The following GABRA3 variants were observed in gnomAD, a reference collection of about 807,000 sequenced individuals.
GABRA3 encodes gamma-aminobutyric acid type A receptor subunit alpha3, also known as gamma-aminobutyric acid receptor subunit alpha-3.
In GABRA3, 10 loss-of-function variants were observed where a neutral mutation model predicts 30.1. The ratio of observed to expected loss-of-function variants is 0.33; its 90% CI spans 0.20 to 0.56. GABRA3 has a LOEUF of 0.56. Ranked by LOEUF, GABRA3 falls within the 20% of genes least tolerant of loss-of-function variation. The pLI is 0.89. For missense variants in GABRA3, 233 were observed against 392.0 expected, an observed-to-expected ratio of 0.59 and a Z score of 3.42; for synonymous variants, 151 against 146.8, an observed-to-expected ratio of 1.03 and a Z score of -0.21.
intron 3 of GABRA3, among the ~76,000 whole-genome samples, chrX:152,286,083 A>T (rs868126613): frequency 1.9e-5 from 2 of 103,389 alleles, no homozygotes; most frequent in Non-Finnish European, 3.9e-5. Context: ...TTAGTTATAA[A>T]TATACTTATA....
At chrX:152,371,119 A>T (rs1928826611) in intron 1 of GABRA3, among the ~76,000 whole-genome samples, 1 of 110,838 alleles carries the variant, frequency 9.0e-6, no homozygotes, top group South Asian at 3.8e-4. Flanking sequence ...TATCTGGAAA[A>T]ATCTGCATAA....
At chrX:152,350,182 T>C (rs903948314) in intron 2 of GABRA3, among the ~76,000 whole-genome samples, 11 of 105,404 alleles carry the variant, frequency 1.0e-4, no homozygotes, top group Non-Finnish European at 1.5e-4. Context: ...ACATGGAAAC[T>C]GAACAACCTG....
chrX:152,260,101 C>T (rs976888236), intron 4 of GABRA3, among the ~76,000 whole-genome samples: 4 of 110,182 alleles, frequency 3.6e-5, no homozygotes, highest in Admixed American at 1.9e-4. Context: ...AGTAGTCTGG[C>T]GGTACTCTTG....
intron 5 of GABRA3, among the ~76,000 whole-genome samples, chrX:152,240,310 T>C (rs1202704023): frequency 1.0e-5 from 1 of 99,915 alleles, no homozygotes; most frequent in African/African-American, 4.2e-5. Flanking sequence ...TTTAAGAACG[T>C]TGAATATTGG....
intron 2 of GABRA3, among the ~76,000 whole-genome samples, chrX:152,357,901 C>CT (rs1202855092): frequency 9.0e-6 from 1 of 110,650 alleles, no homozygotes; most frequent in Non-Finnish European, 1.9e-5. Flanking sequence ...ATTCGGTTCC[C>CT]TTGGTCTAGG....
At chrX:152,311,045 G>A (rs1404497455) in intron 3 of GABRA3, among the ~76,000 whole-genome samples, 1 of 111,090 alleles carries the variant, frequency 9.0e-6, no homozygotes, top group African/African-American at 3.3e-5. Context: ...TCAATAATGA[G>A]TTCCAAAATT....
intron 1 of GABRA3, among the ~76,000 whole-genome samples, chrX:152,368,137 T>C (rs1336170383): frequency 1.8e-5 from 2 of 111,724 alleles, no homozygotes; most frequent in Non-Finnish European, 3.8e-5. Context: ...AATCCTCCCA[T>C]TTCTTCCCAT....
chrX:152,196,973 A>T (rs771525485), intron 8 of GABRA3, among the ~76,000 whole-genome samples: 2 of 112,440 alleles, frequency 1.8e-5, no homozygotes, highest in South Asian at 7.4e-4. Flanking sequence ...CAAAGGTATC[A>T]TTGCCATGGA....
intron 4 of GABRA3, among the ~76,000 whole-genome samples, chrX:152,278,979 T>C (rs1291080867): frequency 8.9e-6 from 1 of 111,975 alleles, no homozygotes; most frequent in Non-Finnish European, 1.9e-5. Context: ...CTTGTAAATT[T>C]GTTTGAGTTC....
chrX:152,169,671 A>T (rs1050539541), intron 9 of GABRA3, among the ~76,000 whole-genome samples: 36 of 111,920 alleles, frequency 3.2e-4, no homozygotes, highest in African/African-American at 1.0e-3. Flanking sequence ...TTGTTGCCTC[A>T]TTCCTCACTC....
intron 4 of GABRA3, among the ~76,000 whole-genome samples, chrX:152,264,320 C>A (rs1376412849): frequency 9.0e-6 from 1 of 111,304 alleles, no homozygotes; most frequent in Admixed American, 9.5e-5. Flanking sequence ...ATAGAAACAA[C>A]AAAAAGTTAA....
intron 1 of GABRA3, among the ~76,000 whole-genome samples, chrX:152,421,105 AC>A (rs201271664): frequency 0.023 from 2,418 of 104,735 alleles, 33 homozygotes; most frequent in South Asian, 0.063. Context: ...TTATACACAC[AC>A]ACACACACAC....
chrX:152,259,458 G>C (rs760225494), intron 4 of GABRA3, among the ~76,000 whole-genome samples: 1 of 111,573 alleles, frequency 9.0e-6, no homozygotes, highest in South Asian at 3.8e-4. Context: ...ACAGCTCGCA[G>C]CTCCAAAAGA....
intron 5 of GABRA3, among the ~76,000 whole-genome samples, chrX:152,241,346 G>A (rs1214202695): frequency 2.1e-5 from 2 of 93,880 alleles, no homozygotes; most frequent in African/African-American, 6.7e-5. Flanking sequence ...CCCACTTGAG[G>A]AGGCAGTCTG....
At chrX:152,429,285 C>G (rs1275615553) in intron 1 of GABRA3, among the ~76,000 whole-genome samples, 1 of 106,831 alleles carries the variant, frequency 9.4e-6, no homozygotes, top group Non-Finnish European at 1.9e-5. Flanking sequence ...CTCTCTCCCT[C>G]CCTCCCTCCC....
At chrX:152,198,307 G>A (rs1026545871) in intron 7 of GABRA3, among the ~76,000 whole-genome samples, 2 of 111,900 alleles carry the variant, frequency 1.8e-5, no homozygotes, top group African/African-American at 6.5e-5. Flanking sequence ...TAACCATTAT[G>A]CTCCGCTGTT....
chrX:152,386,892 C>T (rs752403719), intron 1 of GABRA3, among the ~76,000 whole-genome samples: 7,551 of 106,594 alleles, frequency 0.071, 317 homozygotes, highest in Non-Finnish European at 0.11. Context: ...GACTTGGAAC[C>T]AACCCAAATG....
intron 6 of GABRA3, among the ~76,000 whole-genome samples, chrX:152,224,140 C>G (rs1406964041): frequency 9.7e-6 from 1 of 103,357 alleles, no homozygotes; most frequent in African/African-American, 4.4e-5. Flanking sequence ...ACTCTGATGA[C>G]TCTCTATGTG....
At chrX:152,173,448 T>C (rs902856697) in intron 9 of GABRA3, among the ~76,000 whole-genome samples, 16 of 110,808 alleles carry the variant, frequency 1.4e-4, no homozygotes, top group Non-Finnish European at 3.0e-4. Context: ...AATATATATG[T>C]ATATATATAT....
Sources: allele counts gnomAD v4.1 joint callset (sites outside exome capture counted in the v4.1 genomes callset), GRCh38; gene constraint gnomAD v4.1.1; transcripts MANE v1.5; gene names NCBI Gene and HGNC (gene_info 2026-07-23, HGNC 2026-07-21).